RBM19: variants seen among roughly 807,000 people sequenced by gnomAD.
The protein encoded by RBM19 is probable RNA-binding protein 19.
In RBM19, 94 loss-of-function variants were observed where a neutral mutation model predicts 116.8. The observed-to-expected ratio is 0.80, with a 90% CI of 0.68 to 0.95. The LOEUF (loss-of-function observed/expected upper bound fraction) is 0.95. Ranked by LOEUF, RBM19 falls within the 40% of genes least tolerant of loss-of-function variation. The pLI is 0.00. For synonymous variants in RBM19, 475 were observed against 494.1 expected, an observed-to-expected ratio of 0.96 and a Z score of 0.51; for missense variants, 1,161 against 1,220.7, an observed-to-expected ratio of 0.95 and a Z score of 0.73.
At chr12:113,952,478 C>T (rs372686233) in intron 8 of RBM19, 34 bp downstream of exon 8, 218 of 1,574,642 alleles carry the variant, frequency 1.4e-4, no homozygotes, top group Non-Finnish European at 1.8e-4. Flanking sequence ...CACTGTCTAC[C>T]CGCCTTCCCA....
chr12:113,866,122 G>C (rs576434701), intron 21 of RBM19, among the ~76,000 whole-genome samples: 1 of 152,318 alleles, frequency 6.6e-6, no homozygotes, highest in East Asian at 1.9e-4. Flanking sequence ...GGCATATTTA[G>C]GAGTGGAGTT....
intron 7 of RBM19, among the ~76,000 whole-genome samples, chr12:113,952,940 T>C (rs969487120): frequency 6.6e-6 from 1 of 152,222 alleles, no homozygotes; most frequent in Non-Finnish European, 1.5e-5. Context: ...ATTTGGTTTT[T>C]GTGTATTAGT....
At chr12:113,957,665 G>T (rs1036891375) in intron 6 of RBM19, 117 bp downstream of exon 6, 42 of 1,401,012 alleles carry the variant, frequency 3.0e-5, no homozygotes, top group Non-Finnish European at 3.7e-5. Context: ...GAAGGCTTTG[G>T]ACTGCAGAGC....
intron 21 of RBM19, among the ~76,000 whole-genome samples, chr12:113,862,439 A>C (rs1031861500): frequency 6.6e-6 from 1 of 152,122 alleles, no homozygotes; most frequent in Non-Finnish European, 1.5e-5. Flanking sequence ...GAGCTATCGA[A>C]AGAGAATTAA....
At chr12:113,874,211 A>C (rs1879499011) in intron 21 of RBM19, among the ~76,000 whole-genome samples, 1 of 152,218 alleles carries the variant, frequency 6.6e-6, no homozygotes. Flanking sequence ...GCCGGCACCC[A>C]GAACAGTTCC....
At chr12:113,958,142 C>T in intron 5 of RBM19, 92 bp from the exon 6 acceptor site, 1 of 1,515,708 alleles carries the variant, frequency 6.6e-7, no homozygotes, top group South Asian at 1.3e-5. Context: ...TAGTGAGAGG[C>T]CTGAGGCACC....
intron 21 of RBM19, among the ~76,000 whole-genome samples, chr12:113,859,328 C>G (rs1565980015): frequency 6.6e-6 from 1 of 152,338 alleles, no homozygotes; most frequent in East Asian, 1.9e-4. Context: ...GGTTGCCTGA[C>G]CTTTCCAAAC....
intron 9 of RBM19, among the ~76,000 whole-genome samples, chr12:113,949,268 G>C (rs1157197591): frequency 6.6e-6 from 1 of 152,180 alleles, no homozygotes; most frequent in Non-Finnish European, 1.5e-5. Context: ...CCTGGAGGGA[G>C]CCTGCCTGAG....
At chr12:113,904,498 C>T (rs965688627) in intron 21 of RBM19, among the ~76,000 whole-genome samples, 2 of 152,158 alleles carry the variant, frequency 1.3e-5, no homozygotes, top group Non-Finnish European at 2.9e-5. Flanking sequence ...AAATCCTGAG[C>T]ACAAAAGCAC....
intron 6 of RBM19, 53 bp downstream of exon 6, chr12:113,957,729 G>C: frequency 3.9e-6 from 6 of 1,520,820 alleles, no homozygotes; most frequent in Non-Finnish European, 5.3e-6. Flanking sequence ...GGGGACCACG[G>C]GCAAGCAGGA....
intron 21 of RBM19, among the ~76,000 whole-genome samples, chr12:113,885,449 C>T (rs539156261): frequency 2.2e-4 from 34 of 152,230 alleles, no homozygotes; most frequent in African/African-American, 6.0e-4. Flanking sequence ...TGGAATGTAA[C>T]GTGTGGTTCT....
intron 21 of RBM19, among the ~76,000 whole-genome samples, chr12:113,907,919 A>T (rs1882176312): frequency 6.6e-6 from 1 of 152,230 alleles, no homozygotes; most frequent in Non-Finnish European, 1.5e-5. Context: ...ATAATGAGCA[A>T]GCATAGCTGG....
intron 13 of RBM19, among the ~76,000 whole-genome samples, chr12:113,943,745 C>T (rs1870775668): frequency 6.6e-6 from 1 of 152,104 alleles, no homozygotes; most frequent in African/African-American, 2.4e-5. Flanking sequence ...ATTGCTTGAA[C>T]CCGAGAGGCA....
At position 113,939,382 on chromosome 12, in the gene RBM19, T is replaced by G. The variant is rs1398164726; in HGVS notation, c.1938+578A>C. On this transcript the variant is annotated intron_variant, in intron 15 of 23. Transcript: ENST00000261741. Reference sequence around the variant, plus strand: ...ATTAAAATGCTAATCCAAATTAACATGGGTAAAGAAAGCCAAAGAAAAGCT... The same window carrying G: ...ATTAAAATGCTAATCCAAATTAACAGGGGTAAAGAAAGCCAAAGAAAAGCT... 2.0e-5 allele frequency among the ~76,000 whole-genome samples: 3 copies of G among 152,168 alleles called. No homozygotes were observed. In the East Asian group the frequency reaches 5.8e-4, roughly 29 times the overall value.
At chr12:113,877,162 G>A (rs1879730975) in intron 21 of RBM19, among the ~76,000 whole-genome samples, 1 of 152,230 alleles carries the variant, frequency 6.6e-6, no homozygotes, top group Admixed American at 6.5e-5. Flanking sequence ...GTGTGGAGGT[G>A]ATTTTACTTG....
At chr12:113,841,851 G>C (rs1470569238) in intron 23 of RBM19, among the ~76,000 whole-genome samples, 2 of 152,196 alleles carry the variant, frequency 1.3e-5, no homozygotes, top group African/African-American at 4.8e-5. Flanking sequence ...AGTAGACATA[G>C]CACTGCCTAC....
intron 21 of RBM19, among the ~76,000 whole-genome samples, chr12:113,890,778 G>A (rs1271248464): frequency 1.3e-5 from 2 of 152,172 alleles, no homozygotes; most frequent in Non-Finnish European, 2.9e-5. Flanking sequence ...AATGCAAATG[G>A]ATGTGCCTGT....
At chr12:113,965,468 C>A (rs2135950726) in intron 1 of RBM19, among the ~76,000 whole-genome samples, 1 of 152,140 alleles carries the variant, frequency 6.6e-6, no homozygotes, top group Non-Finnish European at 1.5e-5. Context: ...CAAAGCGAGG[C>A]ATCAAGAGAC....
rs1872563213 is a variant in RBM19, at chr12:113,962,244, T to G, written c.207A>C (p.Thr69=). 1 of 1,614,122 alleles carries G rather than the reference T, an allele frequency of 6.2e-7. No homozygotes were observed. Among genetic ancestry groups the G allele is most frequent in the African/African-American group, 1.3e-5 (1 of 74,954 alleles). The change falls in exon 2 of 24, where the codon ACA becomes ACC. Residue 69 remains threonine, a synonymous_variant. Transcript: ENST00000261741. The part of the protein sequence containing the change: ...QKHFNKSFID[T]SRITVEFCKS... The stretch of plus-strand genomic sequence containing the variant: ...CCTGCCCACTCACTGTGATCCGGGA[T>G]GTGTCGATGAAGCTCTTGTTGAAAT...
Sources: allele counts gnomAD v4.1 joint callset (sites outside exome capture counted in the v4.1 genomes callset), GRCh38; gene constraint gnomAD v4.1.1; transcripts MANE v1.5; gene names NCBI Gene and HGNC (gene_info 2026-07-23, HGNC 2026-07-21).